Variants in DGKG observed in about 807,000 individuals in gnomAD.
DGKG encodes the protein diacylglycerol kinase gamma.
In DGKG, 78 loss-of-function variants were observed where a neutral mutation model predicts 105.3. That is an observed-to-expected ratio of 0.74 (90% CI 0.62 to 0.89). The LOEUF (loss-of-function observed/expected upper bound fraction) is 0.89, where lower values mean the gene tolerates loss of function less well. Ranked by LOEUF, DGKG falls within the 40% of genes least tolerant of loss-of-function variation. The pLI is 0.00. For synonymous variants in DGKG, 346 were observed against 367.1 expected (o/e 0.94, Z 0.66); for missense variants, 958 against 1,020.1 (o/e 0.94, Z 0.83).
chr3:186,234,547 G>A (rs963717323), intron 20 of DGKG, among the ~76,000 whole-genome samples: 20 of 152,188 alleles, frequency 1.3e-4, no homozygotes, highest in Admixed American at 3.9e-4. Flanking sequence ...TGAAAACATA[G>A]CGTGCTTTCA....
intron 7 of DGKG, among the ~76,000 whole-genome samples, chr3:186,283,948 T>G (rs931956890): frequency 1.6e-4 from 24 of 152,204 alleles, no homozygotes; most frequent in Non-Finnish European, 7.3e-5. Flanking sequence ...ATGAGCCCTA[T>G]CTCTGACATT....
At chr3:186,238,549 A>T (rs1394408822) in intron 20 of DGKG, among the ~76,000 whole-genome samples, 5 of 152,124 alleles carry the variant, frequency 3.3e-5, no homozygotes, top group Non-Finnish European at 7.4e-5. Context: ...TGTGCCCTTT[A>T]TTCCAGATCA....
At chr3:186,360,992 C>G (rs1329878197) in intron 1 of DGKG, among the ~76,000 whole-genome samples, 1 of 152,228 alleles carries the variant, frequency 6.6e-6, no homozygotes, top group Non-Finnish European at 1.5e-5. Context: ...CACAGCGCTC[C>G]CGGGCACCAC....
At chr3:186,168,622 G>A (rs1716669568) in intron 22 of DGKG, among the ~76,000 whole-genome samples, 1 of 152,004 alleles carries the variant, frequency 6.6e-6, no homozygotes, top group Non-Finnish European at 1.5e-5. Flanking sequence ...TGAGGCAGGC[G>A]GATCATCTGA....
At position 186,231,757 on chromosome 3, in the gene DGKG, A is replaced by G. The variant is rs965779094; in HGVS notation, c.1826+10747T>C. Among the ~76,000 whole-genome samples, 1 of 152,010 alleles carries G rather than the reference A, an allele frequency of 6.6e-6. No individual in the cohort carries two copies. The highest frequency in any genetic ancestry group is 2.4e-5 in the African/African-American group (1 of 41,392). ...AACATGGTGAAACCCGCTCTCTACT[A>G]AAAATACAAAAAAATTAGCTGGGCA... On this transcript the variant is annotated intron_variant, in intron 20 of 24. Coordinates refer to ENST00000265022, the MANE Select transcript of DGKG (RefSeq NM_001346.3). The surrounding 1 kb of genome is among the most constrained non-coding windows in gnomAD (Gnocchi z 4.5).
intron 2 of DGKG, among the ~76,000 whole-genome samples, chr3:186,315,291 C>G (rs1724762567): frequency 6.6e-6 from 1 of 152,124 alleles, no homozygotes; most frequent in Non-Finnish European, 1.5e-5. Flanking sequence ...CCCATTAGTC[C>G]TAGGGCTACC....
intron 3 of DGKG, among the ~76,000 whole-genome samples, chr3:186,300,497 C>T (rs919997621): frequency 3.9e-5 from 6 of 152,140 alleles, no homozygotes; most frequent in African/African-American, 1.4e-4. Context: ...CTCTATTTTC[C>T]ATGGAATTGT....
At chr3:186,242,642 G>A (rs1347438806) in intron 19 of DGKG, 74 bp from the exon 20 acceptor site, 25 of 1,292,218 alleles carry the variant, frequency 1.9e-5, no homozygotes, top group East Asian at 7.3e-5. Flanking sequence ...AGGGACGCAC[G>A]CATGCACTCG....
chr3:186,358,407 G>C (rs1727077918), intron 1 of DGKG, among the ~76,000 whole-genome samples: 1 of 152,186 alleles, frequency 6.6e-6, no homozygotes, highest in Admixed American at 6.5e-5. Context: ...TTATATTCCA[G>C]GGCTACTAAA....
chr3:186,313,409 G>T (rs1724655568), intron 2 of DGKG: 1 of 775,828 alleles, frequency 1.3e-6, no homozygotes, highest in Non-Finnish European at 1.6e-6. Flanking sequence ...TGTCATAAAT[G>T]ATCTGAATCA....
At chr3:186,344,805 A>G (rs918437622) in intron 1 of DGKG, among the ~76,000 whole-genome samples, 13 of 152,194 alleles carry the variant, frequency 8.5e-5, no homozygotes, top group African/African-American at 2.9e-4. Context: ...GACTTTTACT[A>G]TTTTTGCTTT....
At chr3:186,250,737 A>G (rs1721177938) in intron 19 of DGKG, among the ~76,000 whole-genome samples, 1 of 151,722 alleles carries the variant, frequency 6.6e-6, no homozygotes, top group African/African-American at 2.4e-5. Flanking sequence ...TTTAGTAGAG[A>G]TGGGGTTTCA....
chr3:186,360,777 G>T (rs1727189223), intron 1 of DGKG, among the ~76,000 whole-genome samples: 2 of 152,192 alleles, frequency 1.3e-5, no homozygotes, highest in Admixed American at 1.3e-4. Context: ...GACCAGAGGG[G>T]TCGTTTCCAG....
intron 22 of DGKG, among the ~76,000 whole-genome samples, chr3:186,182,241 C>T (rs542859245): frequency 1.3e-5 from 2 of 152,196 alleles, no homozygotes; most frequent in Non-Finnish European, 2.9e-5. Flanking sequence ...AGATGAAATC[C>T]TGAAGCCGTA....
chr3:186,194,196 A>T (rs1282510919), intron 21 of DGKG, among the ~76,000 whole-genome samples: 1 of 152,264 alleles, frequency 6.6e-6, no homozygotes, highest in Admixed American at 6.5e-5. Context: ...GTGCACAGGT[A>T]ACAGAGACAA....
At chr3:186,264,511 G>A (rs968248925) in intron 14 of DGKG, among the ~76,000 whole-genome samples, 3 of 152,202 alleles carry the variant, frequency 2.0e-5, no homozygotes, top group Non-Finnish European at 4.4e-5. Flanking sequence ...CGATTTGCCC[G>A]CCTCAGCATC....
intron 20 of DGKG, among the ~76,000 whole-genome samples, chr3:186,232,013 G>C (rs768968985): frequency 5.3e-5 from 8 of 152,106 alleles, no homozygotes; most frequent in Non-Finnish European, 1.2e-4. Context: ...ACACAAACTG[G>C]TTCTTTTGAG....
intron 22 of DGKG, among the ~76,000 whole-genome samples, chr3:186,168,122 C>T (rs987685272): frequency 1.3e-5 from 2 of 152,038 alleles, no homozygotes; most frequent in Non-Finnish European, 2.9e-5. Context: ...TGGAAAGTCA[C>T]AGGATGAAGA....
chr3:186,196,417 G>A (rs564984428), intron 21 of DGKG, among the ~76,000 whole-genome samples: 1 of 152,308 alleles, frequency 6.6e-6, no homozygotes, highest in Non-Finnish European at 1.5e-5. Flanking sequence ...GGGATTACAG[G>A]CATGAGCCAC....
Sources: allele counts gnomAD v4.1 joint callset (sites outside exome capture counted in the v4.1 genomes callset), GRCh38; gene constraint gnomAD v4.1.1; non-coding constraint Gnocchi (gnomAD v3.1); transcripts MANE v1.5; gene names NCBI Gene and HGNC (gene_info 2026-07-23, HGNC 2026-07-21).